AKT1S1: variants seen among roughly 807,000 people sequenced by gnomAD.
AKT1S1 encodes the protein proline-rich AKT1 substrate 1.
In AKT1S1, 17 loss-of-function variants were observed where a neutral mutation model predicts 21.2. The ratio of observed to expected loss-of-function variants is 0.80; its 90% CI spans 0.55 to 1.20. The LOEUF is 1.20. Among genes scored for constraint, AKT1S1 ranks in the 50% most tolerant of loss-of-function variants. AKT1S1 has a pLI of 0.00. For missense variants in AKT1S1, 366 were observed against 368.3 expected (o/e 0.99, Z 0.05); for synonymous variants, 181 against 165.6 (o/e 1.09, Z -0.72).
chr19:49,876,801 A>G (rs1455577297), intron 1 of AKT1S1: 1 of 938,418 alleles, frequency 1.1e-6, no homozygotes, highest in Non-Finnish European at 1.5e-6. Context: ...GCTTGCCCCT[A>G]AGAAAAATGG....
Position 49,872,998 on chromosome 19 carries a change from TGGCCAGGGTA to T in AKT1S1, c.288_297del (p.Thr97GlufsTer31). 1 of 1,588,822 alleles carries T rather than the reference TGGCCAGGGTA, an allele frequency of 6.3e-7. No individual in the cohort carries two copies. The highest frequency in any genetic ancestry group is 8.6e-7 in the Non-Finnish European group (1 of 1,168,714). ...TCCTCGTCCTCCTCGTTGTCCTCTCTGGCCAGGGTAGGCCGGGGTGGGCTGGGTGTGGGAC... is the reference window on the plus strand; with the variant it reads ...TCCTCGTCCTCCTCGTTGTCCTCTCTGGCCGGGGTGGGCTGGGTGTGGGAC... On this transcript the variant is annotated frameshift_variant, in exon 2 of 5. Transcript: ENST00000344175. LOFTEE classifies it high-confidence loss of function.
chr19:49,870,491 T>C (rs1373651371), intron 4 of AKT1S1, among the ~76,000 whole-genome samples: 1 of 152,056 alleles, frequency 6.6e-6, no homozygotes, highest in Non-Finnish European at 1.5e-5. Flanking sequence ...TTCTGAAAAA[T>C]GGGGCGGATA....
upstream of AKT1S1, chr19:49,877,752 C>G: frequency 6.3e-7 from 1 of 1,592,392 alleles, no homozygotes; most frequent in Non-Finnish European, 8.5e-7. Flanking sequence ...AGGGTAAGCA[C>G]TGAGGACGCA....
chr19:49,870,949 TG>T (rs1388569203), intron 4 of AKT1S1, among the ~76,000 whole-genome samples: 2 of 152,108 alleles, frequency 1.3e-5, no homozygotes, highest in East Asian at 3.9e-4. Flanking sequence ...GGGGGGACTG[TG>T]GGGACCCAGG....
chr19:49,875,971 G>T, intron 1 of AKT1S1: 1 of 985,454 alleles, frequency 1.0e-6, no homozygotes, highest in Non-Finnish European at 1.2e-6. Flanking sequence ...ATCAGGGAGA[G>T]ATTAGAGGAA....
intron 3 of AKT1S1, 46 bp from the exon 4 acceptor site, chr19:49,871,762 G>A (rs767433249): frequency 9.3e-6 from 15 of 1,610,832 alleles, no homozygotes; most frequent in East Asian, 4.5e-5. Flanking sequence ...CCTTTGTGTC[G>A]GCCGTGTGCC....
chr19:49,873,287 C>G lies in AKT1S1; in HGVS notation c.9G>C (p.Ser3=). Residue 3 remains serine (S), a synonymous_variant, in exon 2 of 5, where the codon TCG becomes TCC. Coordinates refer to ENST00000344175, the MANE Select transcript of AKT1S1 (RefSeq NM_001098633.4). This position sits in a 1 kb window ranked among gnomAD's most constrained non-coding sequence, Gnocchi z 6.9. MA[S]GRPEELWEAV... The stretch of plus-strand genomic sequence containing the variant: ...CCTCCCACAGCTCCTCGGGGCGCCC[C>G]GACGCCATCCGCGCCCTGCGGGCCA... 1.3e-6 allele frequency: 2 copies of G among 1,506,210 alleles called. No homozygotes were observed. Among genetic ancestry groups the G allele is most frequent in the Non-Finnish European group, 1.8e-6 (2 of 1,137,858 alleles). 93.3% of individuals were successfully genotyped at this position (1,506,210 alleles called of 1,614,324 possible). A position where few individuals can be genotyped will look rare whatever the true frequency, so the allele number is the denominator to read the frequency against.
intron 1 of AKT1S1, among the ~76,000 whole-genome samples, chr19:49,875,604 C>T (rs1654799055): frequency 6.6e-6 from 1 of 152,208 alleles, no homozygotes; most frequent in African/African-American, 2.4e-5. Context: ...CTCACTTCCA[C>T]GGGCCTCCAG....
At chr19:49,875,858 T>TG (rs1469446292) in intron 1 of AKT1S1, 179 of 985,292 alleles carry the variant, frequency 1.8e-4, no homozygotes, top group Non-Finnish European at 2.1e-4. Context: ...AGCCAAGACC[T>TG]GGGGGTCCTC....
At chr19:49,877,506 C>T, upstream of AKT1S1, 1 of 551,078 alleles carries the variant, frequency 1.8e-6, no homozygotes, top group Non-Finnish European at 3.2e-6. Context: ...TCTCCGTAGC[C>T]GGATCCACCT....
In AKT1S1 at chr19:49,876,673, C is replaced by T. The variant is rs970160370; in HGVS notation, c.-8+564G>A. On this transcript the variant is annotated intron_variant, in intron 1 of 4. Coordinates refer to ENST00000344175, the MANE Select transcript of AKT1S1 (RefSeq NM_001098633.4). Reference sequence around the variant, plus strand: ...AAAGACATGGCGGCGCCTTGCGTCACGTCCGCGCAGTTGCCCCGCCTCCTC... The same window carrying T: ...AAAGACATGGCGGCGCCTTGCGTCATGTCCGCGCAGTTGCCCCGCCTCCTC... The T allele has an allele frequency of 1.3e-5, 19 of 1,475,462 alleles. No individual in the cohort carries two copies. In the African/African-American group the frequency reaches 2.0e-4, roughly 16 times the overall value. 91.4% of individuals were successfully genotyped at this position (1,475,462 alleles called of 1,614,324 possible).
chr19:49,871,952 C>T, intron 2 of AKT1S1, 63 bp from the exon 3 acceptor site: 1 of 1,542,840 alleles, frequency 6.5e-7, no homozygotes, highest in Non-Finnish European at 8.9e-7. Context: ...CATGTGTCCT[C>T]CTCCTCAGCC....
In AKT1S1 at chr19:49,871,599, C is replaced by T; in HGVS notation, c.575G>A (p.Gly192Asp). The change falls in exon 4 of 5, where the codon GGC (glycine) becomes GAC (aspartate). Residue 192 changes from glycine (G) to aspartate (D), a missense_variant. By Grantham distance (94) the Gly-to-Asp change is moderately conservative. Coordinates refer to ENST00000344175, the MANE Select transcript of AKT1S1 (RefSeq NM_001098633.4). ...CGCCTCTGTCCTCTTCTCCTTGAAG[C>T]CCCAGACGGGCACAGACACAGGCAG... ...KSLPVSVPVWGFKEKRTEARS... is the reference protein window; with the variant it reads ...KSLPVSVPVWDFKEKRTEARS... The T allele has an allele frequency of 1.2e-6, 2 of 1,614,094 alleles. No individual in the cohort carries two copies. The highest frequency in any genetic ancestry group is 1.7e-6 in the Non-Finnish European group (2 of 1,180,034).
chr19:49,871,775 C>A (rs1462689263), intron 3 of AKT1S1, 37 bp downstream of exon 3: 3 of 1,610,926 alleles, frequency 1.9e-6, no homozygotes, highest in Non-Finnish European at 2.5e-6. Flanking sequence ...CGTGTGCCTG[C>A]CCTCAGGTCG....
Position 49,869,733 on chromosome 19 carries a change from CCTCGGCG to C in AKT1S1, c.*177_*183del. The C allele has an allele frequency of 6.4e-6, 4 of 628,294 alleles. No individual in the cohort carries two copies. Among genetic ancestry groups the C allele is most frequent in the Non-Finnish European group, 9.9e-6 (4 of 404,992 alleles). The allele number at this position is 628,294 out of a possible 1,614,324, so 38.9% of individuals were successfully genotyped here. The stretch of plus-strand genomic sequence containing the variant: ...ATCGGGAAACGGGACAGATGCCGCT[CCTCGGCG>C]CGGCAGGTCGTGGGCTGGAAGGACG... On this transcript the variant is annotated 3_prime_UTR_variant, in exon 5 of 5. Coordinates refer to ENST00000344175, the MANE Select transcript of AKT1S1 (RefSeq NM_001098633.4).
At chr19:49,877,558 C>T (rs1289243919), upstream of AKT1S1, 1 of 643,352 alleles carries the variant, frequency 1.6e-6, no homozygotes, top group Non-Finnish European at 2.6e-6. Flanking sequence ...CCTCGAGGTT[C>T]CAGTGGAATA....
Position 49,871,827 on chromosome 19 carries a change from G to A in AKT1S1, c.442C>T (p.Pro148Ser), listed in dbSNP as rs1482894480. The change falls in exon 3 of 5, where the codon CCC becomes TCC. Residue 148 changes from proline (P) to serine (S), a missense_variant. By Grantham distance (74) the Pro-to-Ser change is moderately conservative (BLOSUM62 -1). Coordinates refer to ENST00000344175, the MANE Select transcript of AKT1S1 (RefSeq NM_001098633.4). ...QDLPPFCESD[P>S]ESTDDGSLSE... ...GGACACTCACCATCTGTACTCTCGGGGTCTGACTCACAGAAGGGGGGAAGG... is the reference window on the plus strand; with the variant it reads ...GGACACTCACCATCTGTACTCTCGGAGTCTGACTCACAGAAGGGGGGAAGG... 3 of 1,611,628 alleles carry A rather than the reference G, an allele frequency of 1.9e-6. No homozygotes were observed. The highest frequency in any genetic ancestry group is 2.5e-6 in the Non-Finnish European group (3 of 1,179,286).
intron 1 of AKT1S1, chr19:49,876,777 C>T: frequency 8.3e-7 from 1 of 1,207,734 alleles, no homozygotes; most frequent in Non-Finnish European, 1.1e-6. Context: ...AACCAGTTGA[C>T]AAGGGTGACG....
At chr19:49,875,289 GA>G (rs940716309) in intron 1 of AKT1S1, 1 of 151,740 alleles carries the variant, frequency 6.6e-6, no homozygotes, top group African/African-American at 2.4e-5. Flanking sequence ...AATCCAGATG[GA>G]AAAGTGAGGC....
Sources: allele counts gnomAD v4.1 joint callset (sites outside exome capture counted in the v4.1 genomes callset), GRCh38; gene constraint gnomAD v4.1.1; non-coding constraint Gnocchi (gnomAD v3.1); transcripts MANE v1.5; gene names NCBI Gene and HGNC (gene_info 2026-07-23, HGNC 2026-07-21).